Variants in DLG2 observed in about 807,000 individuals in gnomAD.
DLG2 encodes the protein discs large MAGUK scaffold protein 2.
A neutral mutation model predicts 132.5 loss-of-function variants in DLG2; 45 were observed. The ratio of observed to expected loss-of-function variants is 0.34; its 90% CI spans 0.27 to 0.44. The LOEUF (loss-of-function observed/expected upper bound fraction) is 0.44. Ranked by LOEUF, DLG2 falls within the 20% of genes least tolerant of loss-of-function variation. The pLI, the probability that DLG2 is intolerant of heterozygous loss-of-function variation, is 1.00. For missense variants in DLG2, 1,045 were observed against 1,196.9 expected, an observed-to-expected ratio of 0.87 and a Z score of 1.87; for synonymous variants, 424 against 419.6, an observed-to-expected ratio of 1.01 and a Z score of -0.13.
intron 6 of DLG2, among the ~76,000 whole-genome samples, chr11:84,665,359 A>G (rs1323601408): frequency 2.6e-5 from 4 of 152,166 alleles, no homozygotes; most frequent in Non-Finnish European, 4.4e-5. Flanking sequence ...ACAATATTAC[A>G]TAGTCAGCAG....
intron 4 of DLG2, among the ~76,000 whole-genome samples, chr11:85,263,099 CAAGATGCACTTTCCA>C (rs1414709748): frequency 2.0e-5 from 3 of 152,116 alleles, no homozygotes; most frequent in Non-Finnish European, 4.4e-5. Context: ...TGAGGGACTC[CAAGATGCACTTTCCA>C]AAGGGCATCC....
intron 16 of DLG2, among the ~76,000 whole-genome samples, chr11:83,855,890 T>C (rs2060463639): frequency 6.6e-6 from 1 of 152,046 alleles, no homozygotes; most frequent in African/African-American, 2.4e-5. Flanking sequence ...GGTAAACTTG[T>C]TTGTTGTACT....
intron 2 of DLG2, among the ~76,000 whole-genome samples, chr11:85,618,277 A>C (rs1270362554): frequency 1.3e-5 from 2 of 152,188 alleles, no homozygotes; most frequent in East Asian, 1.9e-4. Flanking sequence ...CAATCAAAAA[A>C]AAAATCTCTC....
rs2088847711 is a variant in DLG2 at position 83,455,683 on chromosome 11, C to T, written c.*4135G>A. On this transcript the variant is annotated 3_prime_UTR_variant, in exon 28 of 28. Coordinates refer to ENST00000376104, the MANE Select transcript of DLG2 (RefSeq NM_001142699.3). Reference sequence around the variant, plus strand: ...AGACTTGAGTGTGTGTGTGTGTTTCCAACCACAGTCATTCATACTCAATGT... The same window carrying T: ...AGACTTGAGTGTGTGTGTGTGTTTCTAACCACAGTCATTCATACTCAATGT... The T allele has an allele frequency of 6.6e-6, 1 of 152,536 alleles. No individual in the cohort carries two copies. The allele number at this position is 152,536 out of a possible 1,614,324, so 9.4% of individuals were successfully genotyped here.
intron 4 of DLG2, among the ~76,000 whole-genome samples, chr11:85,192,151 C>A (rs1595239784): frequency 1.3e-5 from 2 of 152,152 alleles, no homozygotes; most frequent in East Asian, 3.9e-4. Flanking sequence ...GGGTTATATC[C>A]CATTCTTTCC....
chr11:84,394,288 T>G lies in DLG2; in HGVS notation c.519+140282A>C, dbSNP rs74432366. Among the ~76,000 whole-genome samples the G allele has an allele frequency of 3.4e-3, 522 of 152,164 alleles. 23 individuals are homozygous for G. In the East Asian group the frequency reaches 0.078, roughly 23 times the overall value. On this transcript the variant is annotated intron_variant, in intron 7 of 27. Transcript: ENST00000376104. ...TCACTTTCCTTCTGCCTATGGGGCA[T>G]TTTTTTAGAACATTCTTTAGAGAAG...
At chr11:84,117,413 G>T (rs1275181667) in intron 9 of DLG2, among the ~76,000 whole-genome samples, 1 of 152,176 alleles carries the variant, frequency 6.6e-6, no homozygotes. Flanking sequence ...CTAAGTGGGA[G>T]ACTTGGTTTT....
At chr11:83,834,400 A>G (rs2055498917) in intron 16 of DLG2, among the ~76,000 whole-genome samples, 1 of 152,178 alleles carries the variant, frequency 6.6e-6, no homozygotes. Flanking sequence ...CACAGCCTGA[A>G]GAAGGGTGAC....
At chr11:85,583,363 T>C (rs979741662) in intron 3 of DLG2, among the ~76,000 whole-genome samples, 7 of 150,278 alleles carry the variant, frequency 4.7e-5, no homozygotes, top group South Asian at 2.1e-4. Context: ...GTTGTTGTTG[T>C]TGTTGTTGAG....
In DLG2 at chr11:85,498,200, A is replaced by G. The variant is rs183902364; in HGVS notation, c.40+100457T>C. 9.0e-4 allele frequency among the ~76,000 whole-genome samples: 137 copies of G among 152,322 alleles called. 1 individual carries two copies. Among genetic ancestry groups the G allele is most frequent in the African/African-American group, 3.1e-3 (127 of 41,574 alleles). On this transcript the variant is annotated intron_variant, in intron 3 of 27. Transcript: ENST00000376104. ...CAGGAGACTCATCTGATGTGCAAATACACACACAGGCTCAAAATAAAGGGA... is the reference window on the plus strand; with the variant it reads ...CAGGAGACTCATCTGATGTGCAAATGCACACACAGGCTCAAAATAAAGGGA...
At chr11:83,461,760 A>T in intron 27 of DLG2, 1 of 465,770 alleles carries the variant, frequency 2.1e-6, no homozygotes, top group South Asian at 3.4e-5. Context: ...TCTCCTGCCC[A>T]TGGTTTTGGG....
At chr11:84,304,977 T>C (rs1321612444) in intron 7 of DLG2, among the ~76,000 whole-genome samples, 3 of 152,174 alleles carry the variant, frequency 2.0e-5, no homozygotes, top group Non-Finnish European at 4.4e-5. Flanking sequence ...TGAAATAAAA[T>C]TCATAGATGA....
chr11:84,980,916 C>G (rs749995717), intron 6 of DLG2, among the ~76,000 whole-genome samples: 7 of 152,166 alleles, frequency 4.6e-5, no homozygotes, highest in African/African-American at 7.2e-5. Context: ...GCCTGTTGAG[C>G]TTTCCCAGAG....
chr11:83,793,651 A>T (rs2042110379), intron 17 of DLG2, among the ~76,000 whole-genome samples: 1 of 152,188 alleles, frequency 6.6e-6, no homozygotes. Context: ...TAGGTTTCCT[A>T]GGTAACCTGG....
intron 8 of DLG2, among the ~76,000 whole-genome samples, chr11:84,207,081 C>CTATATATATA (rs66827556): frequency 4.6e-4 from 67 of 147,000 alleles, no homozygotes; most frequent in African/African-American, 1.6e-3. Flanking sequence ...CTCTCTCTCT[C>CTATATATATA]TATATATATA....
At chr11:85,454,120 A>G (rs1338267038) in intron 3 of DLG2, among the ~76,000 whole-genome samples, 2 of 150,690 alleles carry the variant, frequency 1.3e-5, no homozygotes, top group Non-Finnish European at 3.0e-5. Context: ...TTGCATAGTA[A>G]TCCATGGCAT....
chr11:85,291,662 G>T (rs1026363758), intron 3 of DLG2, among the ~76,000 whole-genome samples: 1 of 148,450 alleles, frequency 6.7e-6, no homozygotes, highest in Non-Finnish European at 1.5e-5. Context: ...TCGGCTCACT[G>T]CAATCTCCGC....
At position 84,119,179 on chromosome 11, in the gene DLG2, G is replaced by T. The variant is rs963327484; in HGVS notation, c.625-20132C>A. 2.0e-5 allele frequency among the ~76,000 whole-genome samples: 3 copies of T among 151,656 alleles called. No homozygotes were observed. The South Asian group carries it at 6.2e-4, about 32-fold the overall frequency. ...AAAAAATTAAAGCTGAGTTGAAAAC[G>T]ACAGCTTCTTCAGAAGGTCAGGGCA... On this transcript the variant is annotated intron_variant, in intron 9 of 27. Coordinates refer to ENST00000376104, the MANE Select transcript of DLG2 (RefSeq NM_001142699.3).
intron 6 of DLG2, among the ~76,000 whole-genome samples, chr11:84,804,612 C>G (rs188242717): frequency 6.6e-6 from 1 of 152,054 alleles, no homozygotes. Flanking sequence ...TGAACAAGCC[C>G]AAAACTCAGA....
Sources: gnomAD v4.1 joint callset for allele counts (sites outside exome capture counted in the v4.1 genomes callset) on GRCh38, gnomAD v4.1.1 for gene constraint, MANE v1.5 for transcripts, NCBI Gene and HGNC (gene_info 2026-07-23, HGNC 2026-07-21) for gene names.